The following HNF1B variants were observed in gnomAD, a reference collection of about 807,000 sequenced individuals.
HNF1B encodes the protein HNF1 homeobox B, also known as hepatocyte nuclear factor 1-beta.
Under a neutral mutation model 61.7 loss-of-function variants are expected in HNF1B, and 8 were observed. That is an observed-to-expected ratio of 0.13 (90% CI 0.08 to 0.23). The LOEUF is 0.23. Among genes scored for constraint, HNF1B ranks in the 10% least tolerant of loss-of-function variants. The pLI, the probability that HNF1B is intolerant of heterozygous loss-of-function variation, is 1.00. For synonymous variants in HNF1B, 314 were observed against 287.7 expected, an observed-to-expected ratio of 1.09 and a Z score of -0.93; for missense variants, 562 against 714.5, an observed-to-expected ratio of 0.79 and a Z score of 2.43.
chr17:37,729,058 C>T (rs751300666), intron 4 of HNF1B: 3 of 152,204 alleles, frequency 2.0e-5, no homozygotes, highest in Non-Finnish European at 2.9e-5. Context: ...GGAAAGGTGT[C>T]TTTATACATT....
chr17:37,687,176 A>C lies in HNF1B; in HGVS notation c.*196T>G, dbSNP rs998185873. 2.5e-6 allele frequency: 2 copies of C among 797,814 alleles called. No homozygotes were observed. The highest frequency in any genetic ancestry group is 1.7e-5 in the African/African-American group (1 of 58,938). The allele number at this position is 797,814 out of a possible 1,614,324, so 49.4% of individuals were successfully genotyped here. A position where few individuals can be genotyped will look rare whatever the true frequency, so the allele number is the denominator to read the frequency against. On this transcript the variant is annotated 3_prime_UTR_variant, in exon 9 of 9. Transcript: ENST00000617811. ...GAGGCATTGTGGCAATACTGCATAGAAGGGAAACTGGGCTTCGGGCTGCGC... is the reference window on the plus strand; with the variant it reads ...GAGGCATTGTGGCAATACTGCATAGCAGGGAAACTGGGCTTCGGGCTGCGC...
intron 2 of HNF1B, among the ~76,000 whole-genome samples, chr17:37,734,334 C>T (rs1428213154): frequency 6.6e-6 from 1 of 152,204 alleles, no homozygotes; most frequent in Non-Finnish European, 1.5e-5. Flanking sequence ...AACCCCAAAC[C>T]TTTTGGAACA....
intron 4 of HNF1B, among the ~76,000 whole-genome samples, chr17:37,721,750 ACT>A (rs1445149600): frequency 6.8e-6 from 1 of 146,698 alleles, no homozygotes; most frequent in Admixed American, 6.9e-5. Flanking sequence ...ACAGGGTCTC[ACT>A]CTGTCACCCG....
chr17:37,737,669 A>AG (rs2033870736), intron 2 of HNF1B, among the ~76,000 whole-genome samples: 1 of 115,692 alleles, frequency 8.6e-6, no homozygotes, highest in African/African-American at 3.6e-5. Flanking sequence ...TACTAAAAAT[A>AG]CCAAAAAAAA....
At chr17:37,703,845 CATTCTCT>C (rs1412015209) in intron 6 of HNF1B, among the ~76,000 whole-genome samples, 1 of 152,138 alleles carries the variant, frequency 6.6e-6, no homozygotes, top group Non-Finnish European at 1.5e-5. Flanking sequence ...ATGTGTAAGT[CATTCTCT>C]TCAGAAGTGA....
Position 37,733,837 on chromosome 17 carries a change from A to T in HNF1B, c.545-16T>A, listed in dbSNP as rs2033759308. 1.9e-6 allele frequency: 3 copies of T among 1,613,610 alleles called. No individual in the cohort carries two copies. Among genetic ancestry groups the T allele is most frequent in the African/African-American group, 1.3e-5 (1 of 74,892 alleles). The stretch of plus-strand genomic sequence containing the variant: ...TGGTTGAATTCTGAAAAGAGAAAGG[A>T]GTAGATTTGATAGGGTCTGTAGCCT... On this transcript the variant is annotated splice_polypyrimidine_tract_variant and intron_variant, in intron 2 of 8. Coordinates refer to ENST00000617811, the MANE Select transcript of HNF1B (RefSeq NM_000458.4).
intron 7 of HNF1B, among the ~76,000 whole-genome samples, chr17:37,700,620 A>T (rs2032533393): frequency 6.6e-6 from 1 of 152,206 alleles, no homozygotes. Context: ...GCAAAGGCTA[A>T]GTTGAAGTTC....
intron 3 of HNF1B, among the ~76,000 whole-genome samples, chr17:37,733,085 T>C (rs1462973777): frequency 3.3e-5 from 5 of 152,192 alleles, no homozygotes; most frequent in African/African-American, 1.2e-4. Context: ...TTTGGACCAC[T>C]GCATGTCTGA....
intron 4 of HNF1B, among the ~76,000 whole-genome samples, chr17:37,726,399 T>C (rs1013347396): frequency 3.3e-5 from 5 of 152,204 alleles, no homozygotes; most frequent in Admixed American, 1.3e-4. Context: ...CATAAGATGA[T>C]GCATGGAGGA....
intron 3 of HNF1B, among the ~76,000 whole-genome samples, chr17:37,732,863 T>G (rs1206059705): frequency 6.6e-6 from 1 of 150,568 alleles, no homozygotes; most frequent in Non-Finnish European, 1.5e-5. Flanking sequence ...TTTTTTTAAA[T>G]AGAGATAGGG....
At chr17:37,711,014 G>A (rs2032918408) in intron 4 of HNF1B, among the ~76,000 whole-genome samples, 2 of 152,220 alleles carry the variant, frequency 1.3e-5, no homozygotes, top group South Asian at 4.1e-4. Context: ...AGTTCTTTGA[G>A]GATTTGGGGG....
chr17:37,700,622 T>C (rs1323877739), intron 7 of HNF1B, among the ~76,000 whole-genome samples: 2 of 152,182 alleles, frequency 1.3e-5, no homozygotes, highest in Non-Finnish European at 2.9e-5. Flanking sequence ...AAAGGCTAAG[T>C]TGAAGTTCAC....
chr17:37,730,390 G>A (rs1425397273), intron 4 of HNF1B: 1 of 152,368 alleles, frequency 6.6e-6, no homozygotes, highest in Admixed American at 6.5e-5. Flanking sequence ...TTCTTCCTGT[G>A]TGGCTGAGCC....
intron 5 of HNF1B, among the ~76,000 whole-genome samples, chr17:37,706,356 T>TA (rs1468854786): frequency 1.3e-5 from 2 of 152,066 alleles, no homozygotes; most frequent in African/African-American, 4.8e-5. Flanking sequence ...AGAGGTGCTT[T>TA]AGGGTTAGGA....
chr17:37,704,937 C>G lies in HNF1B; in HGVS notation c.1319G>C (p.Gly440Ala). The change falls in exon 6 of 9, where the codon GGA (glycine) becomes GCA (alanine). Residue 440 changes from glycine (G) to alanine (A), a missense_variant. Gly to Ala is a moderately conservative substitution (Grantham distance 60). This residue lies in a region of HNF1B where 211 missense variants were observed against 200.7 expected (regional missense o/e 1.05). Coordinates refer to ENST00000617811, the MANE Select transcript of HNF1B (RefSeq NM_000458.4). ...SQNLIMTPLS[G>A]VMAIAQSLNT... Reference sequence around the variant, plus strand: ...CTTACTTTGTGCAATTGCCATGACTCCAGAGAGGGGTGTCATGATGAGGTT... The same window carrying G: ...CTTACTTTGTGCAATTGCCATGACTGCAGAGAGGGGTGTCATGATGAGGTT... The G allele has an allele frequency of 6.2e-7, 1 of 1,614,076 alleles. No homozygotes were observed. The highest frequency in any genetic ancestry group is 8.5e-7 in the Non-Finnish European group (1 of 1,180,012).
At chr17:37,707,100 T>C (rs1038482578) in intron 5 of HNF1B, among the ~76,000 whole-genome samples, 1 of 150,244 alleles carries the variant, frequency 6.7e-6, no homozygotes, top group Non-Finnish European at 1.5e-5. Flanking sequence ...CATTCTAAAA[T>C]GCAACTATTA....
rs961096143 is a variant in HNF1B, at chr17:37,743,404, T to A, written c.344+1137A>T. ...AGCGACGAGGGAAGAACCTCAAACC[T>A]ATGAATTATACCAAAGTGTGTTTGG... is the stretch of plus-strand genomic sequence containing the variant. On this transcript the variant is annotated intron_variant, in intron 1 of 8. Coordinates refer to ENST00000617811, the MANE Select transcript of HNF1B (RefSeq NM_000458.4). Among the ~76,000 whole-genome samples, 65 of 152,310 alleles carry A rather than the reference T, an allele frequency of 4.3e-4. 1 individual carries two copies. The highest frequency in any genetic ancestry group is 6.8e-3 in the Middle Eastern group (2 of 294).
rs971212831 is a variant in HNF1B, at chr17:37,687,540, C to T, written c.1654-148G>A. Reference sequence around the variant, plus strand: ...CTGGGGGCCTCGTGTCTGCTCAGTTCTGCAGTTTTCATGCTGAGGCACACT... The same window carrying T: ...CTGGGGGCCTCGTGTCTGCTCAGTTTTGCAGTTTTCATGCTGAGGCACACT... On this transcript the variant is annotated intron_variant, in intron 8 of 8. Transcript: ENST00000617811. The T allele has an allele frequency of 5.6e-6, 4 of 717,204 alleles. No homozygotes were observed. In the Admixed American group the frequency reaches 8.0e-5, roughly 14 times the overall value. The allele number at this position is 717,204 out of a possible 1,614,324, so 44.4% of individuals were successfully genotyped here. A position where few individuals can be genotyped will look rare whatever the true frequency, so the allele number is the denominator to read the frequency against.
At chr17:37,694,228 G>C (rs1449306639) in intron 8 of HNF1B, among the ~76,000 whole-genome samples, 1 of 152,088 alleles carries the variant, frequency 6.6e-6, no homozygotes, top group Non-Finnish European at 1.5e-5. Context: ...AGGAGTTCGA[G>C]ACCAGCCTGG....
Sources: allele counts gnomAD v4.1 joint callset (sites outside exome capture counted in the v4.1 genomes callset), GRCh38; gene constraint gnomAD v4.1.1; regional missense constraint gnomAD v4.1.1; transcripts MANE v1.5; gene names NCBI Gene and HGNC (gene_info 2026-07-23, HGNC 2026-07-21).